Variants in CDH1 observed in about 807,000 individuals in gnomAD.
CDH1 encodes the protein cadherin-1.
A neutral mutation model predicts 84.5 loss-of-function variants in CDH1; 35 were observed. The observed-to-expected ratio is 0.41, with a 90% CI of 0.32 to 0.55. CDH1 has a LOEUF of 0.55. CDH1 is among the 20% of genes least tolerant of loss of function. CDH1 has a pLI of 0.19. For synonymous variants in CDH1, 417 were observed against 439.0 expected (o/e 0.95, Z 0.63); for missense variants, 994 against 1,126.6 (o/e 0.88, Z 1.68).
intron 11 of CDH1, among the ~76,000 whole-genome samples, chr16:68,820,088 A>G (rs899039209): frequency 1.3e-5 from 2 of 151,894 alleles, no homozygotes; most frequent in Non-Finnish European, 1.5e-5. Flanking sequence ...AGGCCCAGCT[A>G]CTCAGAAGGC....
In CDH1 at chr16:68,821,949, G is replaced by C. The variant is rs34582129; in HGVS notation, c.1712-52G>C. ...AGACTTGGTCTGGTGGAAGGCAATGGGGATTCATTACTGTTGCCAAGCTGC... is the reference window on the plus strand; with the variant it reads ...AGACTTGGTCTGGTGGAAGGCAATGCGGATTCATTACTGTTGCCAAGCTGC... On this transcript the variant is annotated intron_variant, in intron 11 of 15. Transcript: ENST00000261769. The C allele has an allele frequency of 0.023, 32,833 of 1,398,240 alleles. 461 individuals carry two copies. Among genetic ancestry groups the C allele is most frequent in the Non-Finnish European group, 0.028 (27,689 of 983,380 alleles). 86.6% of individuals were successfully genotyped at this position (1,398,240 alleles called of 1,614,324 possible). A position where few individuals can be genotyped will look rare whatever the true frequency, so the allele number is the denominator to read the frequency against.
intron 5 of CDH1, 65 bp downstream of exon 5, chr16:68,808,913 C>T: frequency 5.3e-6 from 8 of 1,497,172 alleles, no homozygotes; most frequent in South Asian, 1.1e-5. Flanking sequence ...TTGGTCAACC[C>T]ATGCTGGATC....
intron 3 of CDH1, among the ~76,000 whole-genome samples, chr16:68,802,949 A>G: frequency 6.6e-6 from 1 of 152,188 alleles, no homozygotes; most frequent in East Asian, 1.9e-4. Flanking sequence ...GAACAGACAA[A>G]CAGATGAATT....
chr16:68,777,249 G>T (rs1959757552), intron 2 of CDH1, among the ~76,000 whole-genome samples: 1 of 152,210 alleles, frequency 6.6e-6, no homozygotes, highest in Non-Finnish European at 1.5e-5. Flanking sequence ...GACGGCCTGT[G>T]CTTGCTCGAA....
Position 68,808,897 on chromosome 16 carries a change from G to T in CDH1, c.687+49G>T, listed in dbSNP as rs753509443. 11 of 1,601,870 alleles carry T rather than the reference G, an allele frequency of 6.9e-6. No homozygotes were observed. The Admixed American group carries it at 1.3e-4, about 20-fold the overall frequency. On this transcript the variant is annotated intron_variant, in intron 5 of 15. Coordinates refer to ENST00000261769, the MANE Select transcript of CDH1 (RefSeq NM_004360.5). The stretch of plus-strand genomic sequence containing the variant: ...TGACACCGGGGTAACATCCACCCAG[G>T]ATTTTTTGGTCAACCCATGCTGGAT...
chr16:68,830,431 C>G (rs1961456168), intron 15 of CDH1, among the ~76,000 whole-genome samples: 1 of 152,122 alleles, frequency 6.6e-6, no homozygotes, highest in African/African-American at 2.4e-5. Flanking sequence ...ACTTCCCTTG[C>G]CTCCCACTGC....
intron 10 of CDH1, among the ~76,000 whole-genome samples, chr16:68,818,793 C>T (rs1202380666): frequency 1.4e-5 from 2 of 139,398 alleles, no homozygotes; most frequent in Non-Finnish European, 3.0e-5. Flanking sequence ...GAGCTTGCAG[C>T]GAGCCGACAT....
intron 15 of CDH1, among the ~76,000 whole-genome samples, chr16:68,831,353 G>A (rs1295458415): frequency 6.6e-6 from 1 of 150,942 alleles, no homozygotes; most frequent in Non-Finnish European, 1.5e-5. Context: ...GCCTCCCAAA[G>A]TGTTGGGATT....
intron 2 of CDH1, among the ~76,000 whole-genome samples, chr16:68,745,887 A>T (rs1962726511): frequency 6.6e-6 from 1 of 152,090 alleles, no homozygotes; most frequent in Non-Finnish European, 1.5e-5. Flanking sequence ...ACACGATCTC[A>T]GTTCACTGCA....
intron 2 of CDH1, among the ~76,000 whole-genome samples, chr16:68,795,653 C>G (rs1960339008): frequency 6.6e-6 from 1 of 152,008 alleles, no homozygotes; most frequent in Admixed American, 6.6e-5. Context: ...CGCCACCATG[C>G]CTGGCTAATT....
chr16:68,811,632 C>A (rs1960831810), intron 6 of CDH1, 52 bp from the exon 7 acceptor site: 1 of 1,530,418 alleles, frequency 6.5e-7, no homozygotes, highest in Non-Finnish European at 9.0e-7. Flanking sequence ...CAGTATTGAC[C>A]CAGTCCCAAA....
chr16:68,800,548 A>G (rs1296449738), intron 2 of CDH1, among the ~76,000 whole-genome samples: 2 of 152,192 alleles, frequency 1.3e-5, no homozygotes, highest in African/African-American at 2.4e-5. Flanking sequence ...GCCTTGTAAG[A>G]TAGGACGGCA....
At chr16:68,753,316 A>G (rs867478923) in intron 2 of CDH1, among the ~76,000 whole-genome samples, 7 of 151,114 alleles carry the variant, frequency 4.6e-5, no homozygotes, top group African/African-American at 1.7e-4. Context: ...TTCATGAGAG[A>G]GTACTGTAGG....
Position 68,804,404 on chromosome 16 carries a change from C to T in CDH1, c.387+2511C>T, listed in dbSNP as rs532041183. 2.2e-4 allele frequency among the ~76,000 whole-genome samples: 33 copies of T among 152,130 alleles called. 1 individual carries two copies. The highest frequency in any genetic ancestry group is 6.2e-4 in the South Asian group (3 of 4,828). On this transcript the variant is annotated intron_variant, in intron 3 of 15. Transcript: ENST00000261769. ...CTGGGATTACAGGTGTGAGCCACTGCGCCCGGCCCTATCTGCCTTTTAAGA... is the reference window on the plus strand; with the variant it reads ...CTGGGATTACAGGTGTGAGCCACTGTGCCCGGCCCTATCTGCCTTTTAAGA...
intron 2 of CDH1, among the ~76,000 whole-genome samples, chr16:68,746,653 G>C (rs1034074765): frequency 6.6e-6 from 1 of 151,758 alleles, no homozygotes; most frequent in Admixed American, 6.6e-5. Flanking sequence ...GATGCAAGGA[G>C]GGGTGGATGG....
At chr16:68,798,730 C>T (rs1057066670) in intron 2 of CDH1, among the ~76,000 whole-genome samples, 4 of 152,170 alleles carry the variant, frequency 2.6e-5, no homozygotes, top group Non-Finnish European at 5.9e-5. Context: ...TCCCTGTTTA[C>T]ATGACAAGCC....
chr16:68,743,500 G>A lies in CDH1; in HGVS notation c.163+5089G>A, dbSNP rs1011555899. Among the ~76,000 whole-genome samples, 32 of 151,828 alleles carry A rather than the reference G, an allele frequency of 2.1e-4. 1 individual carries two copies. Among genetic ancestry groups the A allele is most frequent in the Non-Finnish European group, 2.9e-5 (2 of 68,002 alleles). On this transcript the variant is annotated intron_variant, in intron 2 of 15. Coordinates refer to ENST00000261769, the MANE Select transcript of CDH1 (RefSeq NM_004360.5). The stretch of plus-strand genomic sequence containing the variant: ...CCAGCCTCAGCCTCCTGAGTAGCTG[G>A]GATTATAGGCACGCAGAAGCATGCC...
chr16:68,748,189 C>T (rs1186204947), intron 2 of CDH1, among the ~76,000 whole-genome samples: 2 of 149,558 alleles, frequency 1.3e-5, no homozygotes, highest in Non-Finnish European at 3.0e-5. Context: ...CTCGGCTCAC[C>T]GCAACCTCCG....
At chr16:68,747,360 C>A (rs1018808554) in intron 2 of CDH1, among the ~76,000 whole-genome samples, 2 of 151,884 alleles carry the variant, frequency 1.3e-5, no homozygotes, top group Non-Finnish European at 2.9e-5. Context: ...GGCAGCTGGG[C>A]CAGGGTACCT....
Sources: gnomAD v4.1 joint callset for allele counts (sites outside exome capture counted in the v4.1 genomes callset) on GRCh38, gnomAD v4.1.1 for gene constraint, MANE v1.5 for transcripts, NCBI Gene and HGNC (gene_info 2026-07-23, HGNC 2026-07-21) for gene names.